RGS7: variants seen among roughly 807,000 people sequenced by gnomAD.
RGS7 encodes the protein regulator of G protein signaling 7.
RGS7 carries 27 observed loss-of-function variants against 81.1 expected under a neutral mutation model. That is an observed-to-expected ratio of 0.33 (90% CI 0.25 to 0.46). The LOEUF (loss-of-function observed/expected upper bound fraction) is 0.46, where lower values mean the gene tolerates loss of function less well. RGS7 is among the 20% of genes least tolerant of loss of function. The pLI is 1.00. For synonymous variants in RGS7, 208 were observed against 207.7 expected, an observed-to-expected ratio of 1.00 and a Z score of -0.01; for missense variants, 396 against 607.4, an observed-to-expected ratio of 0.65 and a Z score of 3.66.
chr1:241,336,560 T>C (rs2082257933), intron 2 of RGS7, among the ~76,000 whole-genome samples: 1 of 152,314 alleles, frequency 6.6e-6, no homozygotes, highest in Admixed American at 6.5e-5. Flanking sequence ...TGTCTGCAGC[T>C]GTAACTCATG....
rs1433397883 is a variant in RGS7, at chr1:241,327,128, A to AG, written c.78+28570_78+28571insC. Among the ~76,000 whole-genome samples, 6 of 113,682 alleles carry AG rather than the reference A, an allele frequency of 5.3e-5. 1 individual carries two copies. Among genetic ancestry groups the AG allele is most frequent in the African/African-American group, 2.0e-4 (6 of 30,564 alleles). The allele number at this position is 113,682 out of a possible 152,430, so 74.6% of individuals were successfully genotyped here. On this transcript the variant is annotated intron_variant, in intron 2 of 18. Transcript: ENST00000440928. ...AAAGAAAGAAAGAAAGAAAGAAAGA[A>AG]AGAAAGAAAGAAAGAAAGGAAAGAA...
At chr1:241,071,428 C>A (rs932896398) in intron 3 of RGS7, among the ~76,000 whole-genome samples, 2 of 150,598 alleles carry the variant, frequency 1.3e-5, no homozygotes, top group Admixed American at 1.3e-4. Context: ...GTTTTTATGC[C>A]TTAGAGAACA....
chr1:240,827,116 G>T lies in RGS7; in HGVS notation c.666C>A (p.Asn222Lys). The T allele has an allele frequency of 6.2e-7, 1 of 1,613,616 alleles. No homozygotes were observed. The highest frequency in any genetic ancestry group is 1.1e-5 in the South Asian group (1 of 91,070). Residue 222 changes from asparagine to lysine, a missense_variant, in exon 10 of 19, where the codon AAC (asparagine) becomes AAA (lysine). Transcript: ENST00000440928. ...GTTTTACCTTCCGTGTTTTGTGGGG[G>T]TTTCTCATTCTGGATGACTTCTTAA... Reference protein sequence around the residue: ...VDIKKSSRMRNPHKTRKSVYG... With the variant: ...VDIKKSSRMRKPHKTRKSVYG...
At chr1:241,305,839 C>A in intron 2 of RGS7, 1 of 308,136 alleles carries the variant, frequency 3.2e-6, no homozygotes, top group South Asian at 2.7e-5. Context: ...CGTTCTTGGT[C>A]ACCTTGTGGC....
At chr1:241,119,561 C>T (rs887339130) in intron 2 of RGS7, among the ~76,000 whole-genome samples, 1 of 152,062 alleles carries the variant, frequency 6.6e-6, no homozygotes, top group East Asian at 1.9e-4. Flanking sequence ...ATCTTTTTAC[C>T]CAGGAATGGC....
At chr1:240,808,295 G>A (rs1276145981) in intron 14 of RGS7, among the ~76,000 whole-genome samples, 3 of 152,110 alleles carry the variant, frequency 2.0e-5, no homozygotes, top group South Asian at 4.1e-4. Context: ...CCTCTGCTGG[G>A]GCAAGTGCTG....
chr1:241,182,465 T>G (rs2071704700), intron 2 of RGS7, among the ~76,000 whole-genome samples: 1 of 152,146 alleles, frequency 6.6e-6, no homozygotes, highest in Non-Finnish European at 1.5e-5. Context: ...TCAATGTTAG[T>G]GTGGCTATGA....
At chr1:241,050,419 C>G (rs1012597593) in intron 3 of RGS7, among the ~76,000 whole-genome samples, 5 of 152,118 alleles carry the variant, frequency 3.3e-5, no homozygotes, top group Non-Finnish European at 7.4e-5. Context: ...CTGGCTCTCC[C>G]AGGTCACTAT....
At chr1:241,125,360 C>A (rs1254256013) in intron 2 of RGS7, among the ~76,000 whole-genome samples, 2 of 151,932 alleles carry the variant, frequency 1.3e-5, no homozygotes, top group Non-Finnish European at 2.9e-5. Flanking sequence ...CACAGTATTC[C>A]AATTTCTCTA....
At chr1:241,267,113 T>G (rs1436624430) in intron 2 of RGS7, among the ~76,000 whole-genome samples, 1 of 152,138 alleles carries the variant, frequency 6.6e-6, no homozygotes, top group Non-Finnish European at 1.5e-5. Flanking sequence ...AGATGTGCCG[T>G]GAGATTGGGT....
chr1:241,009,951 G>A (rs914472320), intron 3 of RGS7, among the ~76,000 whole-genome samples: 5 of 152,030 alleles, frequency 3.3e-5, no homozygotes, highest in African/African-American at 7.3e-5. Context: ...ACCAAACACC[G>A]CATGTTCTCA....
At chr1:240,840,128 A>G (rs1657638527) in intron 9 of RGS7, among the ~76,000 whole-genome samples, 1 of 152,020 alleles carries the variant, frequency 6.6e-6, no homozygotes, top group Non-Finnish European at 1.5e-5. Context: ...CCTTTCCCCA[A>G]GTTATTCTCC....
At chr1:240,881,946 G>C (rs1053272826) in intron 6 of RGS7, among the ~76,000 whole-genome samples, 1 of 148,896 alleles carries the variant, frequency 6.7e-6, no homozygotes, top group African/African-American at 2.5e-5. Flanking sequence ...AGAGAGTCTT[G>C]CTCTGTCACC....
chr1:241,055,248 A>G (rs1447323947), intron 3 of RGS7, among the ~76,000 whole-genome samples: 1 of 152,144 alleles, frequency 6.6e-6, no homozygotes, highest in Non-Finnish European at 1.5e-5. Flanking sequence ...CCACAGGTTA[A>G]CGGCTCAGCC....
intron 3 of RGS7, among the ~76,000 whole-genome samples, chr1:241,045,718 C>T (rs1335288625): frequency 6.6e-6 from 1 of 152,140 alleles, no homozygotes; most frequent in Non-Finnish European, 1.5e-5. Flanking sequence ...GCCTTTTGCC[C>T]AAACATAAAA....
At chr1:241,273,662 GCC>G (rs937883583) in intron 2 of RGS7, among the ~76,000 whole-genome samples, 15 of 152,060 alleles carry the variant, frequency 9.9e-5, no homozygotes, top group African/African-American at 3.6e-4. Flanking sequence ...CAGCTTTCCT[GCC>G]CAACTCTAGC....
At chr1:240,897,924 G>A (rs114118590) in intron 6 of RGS7, among the ~76,000 whole-genome samples, 4,324 of 152,136 alleles carry the variant, frequency 0.028, 76 homozygotes, top group Non-Finnish European at 0.044. Context: ...GACGTTTTTC[G>A]GTTGGTAGGC....
chr1:241,136,061 T>C (rs779224804), intron 2 of RGS7, among the ~76,000 whole-genome samples: 5 of 151,292 alleles, frequency 3.3e-5, no homozygotes, highest in African/African-American at 4.9e-5. Context: ...TTACAAACAA[T>C]ATATGAGTCT....
chr1:240,843,839 T>C (rs921165151), intron 9 of RGS7, among the ~76,000 whole-genome samples: 20 of 152,236 alleles, frequency 1.3e-4, no homozygotes, highest in African/African-American at 4.1e-4. Flanking sequence ...CAGCCTATCT[T>C]TTCTTTCTTT....
Sources: allele counts gnomAD v4.1 joint callset (sites outside exome capture counted in the v4.1 genomes callset), GRCh38; gene constraint gnomAD v4.1.1; transcripts MANE v1.5; gene names NCBI Gene and HGNC (gene_info 2026-07-23, HGNC 2026-07-21).